Variants in SGCZ observed in about 807,000 individuals in gnomAD.
SGCZ encodes the protein sarcoglycan zeta, also known as zeta-sarcoglycan.
SGCZ carries 40 observed loss-of-function variants against 41.3 expected under a neutral mutation model. The ratio of observed to expected loss-of-function variants is 0.97; its 90% CI spans 0.75 to 1.26. SGCZ has a LOEUF of 1.26. Ranked by LOEUF, SGCZ falls within the 50% of genes most tolerant of loss-of-function variation. The pLI, the probability that SGCZ is intolerant of heterozygous loss-of-function variation, is 0.00. For synonymous variants in SGCZ, 206 were observed against 137.5 expected (o/e 1.50, Z -3.49); for missense variants, 552 against 369.8 (o/e 1.49, Z -4.04).
intron 2 of SGCZ, among the ~76,000 whole-genome samples, chr8:14,469,216 T>C (rs1451010686): frequency 6.6e-6 from 1 of 152,178 alleles, no homozygotes; most frequent in Admixed American, 6.6e-5. Context: ...ACCATCTTAC[T>C]ACTACCTATA....
At chr8:14,924,855 CTT>C (rs35271116) in intron 1 of SGCZ, among the ~76,000 whole-genome samples, 9,462 of 108,700 alleles carry the variant, frequency 0.087, 390 homozygotes, top group African/African-American at 0.2. Context: ...GAATTTAAGA[CTT>C]TTTTTTTTTT....
intron 1 of SGCZ, among the ~76,000 whole-genome samples, chr8:14,622,366 G>C (rs1022452969): frequency 4.6e-5 from 7 of 152,108 alleles, no homozygotes; most frequent in Non-Finnish European, 1.0e-4. Flanking sequence ...GTTCTTATTT[G>C]TTTCTTTTTC....
intron 1 of SGCZ, among the ~76,000 whole-genome samples, chr8:14,998,770 G>C (rs781543472): frequency 2.6e-5 from 4 of 152,128 alleles, no homozygotes; most frequent in African/African-American, 4.8e-5. Context: ...GTGTTGAGTG[G>C]TTTTCTGCTG....
At chr8:14,187,268 G>A (rs989316982) in intron 4 of SGCZ, among the ~76,000 whole-genome samples, 1 of 152,120 alleles carries the variant, frequency 6.6e-6, no homozygotes, top group Non-Finnish European at 1.5e-5. Context: ...CTCAAAATAT[G>A]TTACCTAAAT....
intron 2 of SGCZ, among the ~76,000 whole-genome samples, chr8:14,407,596 G>A (rs1220045719): frequency 6.6e-6 from 1 of 151,894 alleles, no homozygotes; most frequent in Non-Finnish European, 1.5e-5. Context: ...TTACAATATA[G>A]GTATATGATA....
intron 1 of SGCZ, among the ~76,000 whole-genome samples, chr8:14,607,809 G>C (rs1044913427): frequency 3.3e-5 from 5 of 151,912 alleles, no homozygotes; most frequent in African/African-American, 1.2e-4. Context: ...GCACATATAT[G>C]ATCTACACCT....
At chr8:14,173,599 A>G (rs1459865871) in intron 4 of SGCZ, among the ~76,000 whole-genome samples, 4 of 152,290 alleles carry the variant, frequency 2.6e-5, no homozygotes, top group East Asian at 1.9e-4. Context: ...GACTAGGAAA[A>G]GCATAAATAC....
intron 1 of SGCZ, among the ~76,000 whole-genome samples, chr8:14,807,635 C>T (rs936298682): frequency 1.1e-4 from 17 of 151,540 alleles, no homozygotes; most frequent in African/African-American, 2.2e-4. Context: ...GAATCAATAT[C>T]GTGAAAATGG....
intron 1 of SGCZ, among the ~76,000 whole-genome samples, chr8:14,995,267 CAA>C (rs1434699848): frequency 1.3e-5 from 2 of 152,228 alleles, no homozygotes; most frequent in African/African-American, 4.8e-5. Context: ...GTATGGGAGA[CAA>C]GAGACAAAGA....
At chr8:15,112,162 T>C (rs1377053077) in intron 1 of SGCZ, among the ~76,000 whole-genome samples, 5 of 152,212 alleles carry the variant, frequency 3.3e-5, no homozygotes, top group Non-Finnish European at 1.5e-5. Context: ...TAAGAAGGCC[T>C]TGACTCTTTC....
intron 1 of SGCZ, among the ~76,000 whole-genome samples, chr8:14,898,199 C>T (rs907392863): frequency 2.6e-5 from 4 of 152,144 alleles, no homozygotes; most frequent in Admixed American, 2.6e-4. Flanking sequence ...ATCCTCCCAC[C>T]TCAACCTCCC....
intron 1 of SGCZ, among the ~76,000 whole-genome samples, chr8:15,162,309 A>C (rs2117043628): frequency 6.6e-6 from 1 of 152,340 alleles, no homozygotes; most frequent in East Asian, 1.9e-4. Context: ...AAAACGGCCA[A>C]AAGTTCTGTG....
At chr8:14,623,590 T>C (rs2067192050) in intron 1 of SGCZ, among the ~76,000 whole-genome samples, 1 of 152,186 alleles carries the variant, frequency 6.6e-6, no homozygotes, top group East Asian at 1.9e-4. Flanking sequence ...ATCTTTCCTT[T>C]TATTAGGATC....
intron 5 of SGCZ, among the ~76,000 whole-genome samples, chr8:14,120,263 T>C (rs1033145462): frequency 6.6e-6 from 1 of 152,114 alleles, no homozygotes; most frequent in Non-Finnish European, 1.5e-5. Context: ...TGGAGAACAA[T>C]ATAGAAAGAT....
chr8:14,747,514 C>T (rs1385635872), intron 1 of SGCZ, among the ~76,000 whole-genome samples: 4 of 151,746 alleles, frequency 2.6e-5, no homozygotes, highest in Admixed American at 6.6e-5. Context: ...TTTGAATGCA[C>T]GTAAAAAGTT....
intron 1 of SGCZ, among the ~76,000 whole-genome samples, chr8:14,713,555 T>A (rs1809589939): frequency 6.6e-6 from 1 of 152,138 alleles, no homozygotes; most frequent in Non-Finnish European, 1.5e-5. Context: ...GTTGAACTAA[T>A]CTGCTAGGTT....
At chr8:14,320,578 G>A (rs932630972) in intron 3 of SGCZ, among the ~76,000 whole-genome samples, 1 of 152,012 alleles carries the variant, frequency 6.6e-6, no homozygotes, top group East Asian at 1.9e-4. Flanking sequence ...CACACAAGGT[G>A]CAGAACTGGT....
At chr8:14,857,195 A>G (rs1803570069) in intron 1 of SGCZ, among the ~76,000 whole-genome samples, 1 of 152,140 alleles carries the variant, frequency 6.6e-6, no homozygotes, top group Non-Finnish European at 1.5e-5. Flanking sequence ...TCCTGCCATG[A>G]TTGTAAGTTT....
At chr8:14,604,236 A>G (rs1027072636) in intron 1 of SGCZ, among the ~76,000 whole-genome samples, 3 of 152,116 alleles carry the variant, frequency 2.0e-5, no homozygotes, top group African/African-American at 7.2e-5. Context: ...ATAGAAGAAG[A>G]AGAATGAAAA....
Sources: gnomAD v4.1 joint callset for allele counts (sites outside exome capture counted in the v4.1 genomes callset) on GRCh38, gnomAD v4.1.1 for gene constraint, MANE v1.5 for transcripts, NCBI Gene and HGNC (gene_info 2026-07-23, HGNC 2026-07-21) for gene names.